PCDH17: variants seen among roughly 807,000 people sequenced by gnomAD.
PCDH17 encodes protocadherin-17.
Under a neutral mutation model 67.7 loss-of-function variants are expected in PCDH17, and 21 were observed. The observed-to-expected ratio is 0.31, with a 90% CI of 0.22 to 0.45. The LOEUF (loss-of-function observed/expected upper bound fraction) is 0.45. Ranked by LOEUF, PCDH17 falls within the 20% of genes least tolerant of loss-of-function variation. The probability of loss-of-function intolerance (pLI) is 1.00; values close to 1 mark genes in which losing one functional copy is unlikely to be tolerated. For missense variants in PCDH17, 1,471 were observed against 1,564.8 expected, an observed-to-expected ratio of 0.94 and a Z score of 1.01; for synonymous variants, 701 against 656.7, an observed-to-expected ratio of 1.07 and a Z score of -1.03.
intron 3 of PCDH17, among the ~76,000 whole-genome samples, chr13:57,680,940 A>T (rs1460484602): frequency 6.6e-6 from 1 of 151,798 alleles, no homozygotes; most frequent in Non-Finnish European, 1.5e-5. Context: ...ACAACAAACC[A>T]TATGAAGTTA....
intron 1 of PCDH17, among the ~76,000 whole-genome samples, chr13:57,661,015 A>G (rs1239600070): frequency 6.6e-6 from 1 of 152,136 alleles, no homozygotes; most frequent in Non-Finnish European, 1.5e-5. Flanking sequence ...TTTTTAGGGT[A>G]TATCCCTAGA....
Position 57,632,227 on chromosome 13 carries a change from C to T in PCDH17, c.-320C>T. On this transcript the variant is annotated 5_prime_UTR_variant, in exon 1 of 4. Coordinates refer to ENST00000377918, the MANE Select transcript of PCDH17 (RefSeq NM_001040429.3). ...GCCTCATCGCTCAAGTTTGAGCCTC[C>T]CGAAGTCCGGGCGGGAGAGACGAAA... 2.4e-6 allele frequency: 1 copy of T among 410,394 alleles called. No homozygotes were observed. Among genetic ancestry groups the T allele is most frequent in the Non-Finnish European group, 4.4e-6 (1 of 227,578 alleles). The allele number at this position is 410,394 out of a possible 1,614,324, so 25.4% of individuals were successfully genotyped here.
chr13:57,707,778 G>T (rs1955734640), intron 3 of PCDH17, among the ~76,000 whole-genome samples: 1 of 152,000 alleles, frequency 6.6e-6, no homozygotes, highest in Admixed American at 6.6e-5. Context: ...GTAATTGCCA[G>T]CAATCTTAGA....
Position 57,724,856 on chromosome 13 carries a change from C to T in PCDH17, c.3042C>T (p.Asn1014=), listed in dbSNP as rs747179266. 7 of 1,614,052 alleles carry T rather than the reference C, an allele frequency of 4.3e-6. No homozygotes were observed. Among genetic ancestry groups the T allele is most frequent in the Non-Finnish European group, 5.9e-6 (7 of 1,180,018 alleles). The change falls in exon 4 of 4, where the codon AAC becomes AAT. Residue 1014 remains asparagine (N), a synonymous_variant. Transcript: ENST00000377918. ...GAGAGCACACTATTCTCATTGCCAA[C>T]GTTAAACCTTATTTAAAAGCCAAAC... ...DKREHTILIA[N]VKPYLKAKRA...
intron 1 of PCDH17, among the ~76,000 whole-genome samples, chr13:57,644,639 G>T (rs1444993627): frequency 6.6e-6 from 1 of 151,558 alleles, no homozygotes; most frequent in Non-Finnish European, 1.5e-5. Context: ...TTCTTGCCAG[G>T]ATTTTTCTGT....
In PCDH17 at chr13:57,634,223, G is replaced by T. The variant is rs1419285308; in HGVS notation, c.1677G>T (p.Ala559=). 2 of 1,613,128 alleles carry T rather than the reference G, an allele frequency of 1.2e-6. No individual in the cohort carries two copies. The highest frequency in any genetic ancestry group is 1.7e-6 in the Non-Finnish European group (2 of 1,180,030). ...AGGTGCTTGCTAAGGACTCGGGGGC[G>T]CCCGCGCACTTGGAGAGCAACGCCA... ...EFKVLAKDSG[A]PAHLESNATV... The change falls in exon 1 of 4, where the codon GCG becomes GCT. Residue 559 remains alanine (A), a synonymous_variant. Transcript: ENST00000377918. The surrounding 1 kb of genome is among the most constrained non-coding windows in gnomAD (Gnocchi z 7.8).
intron 3 of PCDH17, among the ~76,000 whole-genome samples, chr13:57,718,398 A>T (rs1446560248): frequency 6.6e-6 from 1 of 151,980 alleles, no homozygotes; most frequent in Non-Finnish European, 1.5e-5. Flanking sequence ...TTGAAAGCAA[A>T]ATTTTTACTC....
chr13:57,698,240 T>C (rs182353341), intron 3 of PCDH17, among the ~76,000 whole-genome samples: 45 of 151,602 alleles, frequency 3.0e-4, no homozygotes, highest in African/African-American at 1.1e-3. Flanking sequence ...TATATACATA[T>C]AGATATACAC....
intron 1 of PCDH17, among the ~76,000 whole-genome samples, chr13:57,663,490 T>C (rs992799663): frequency 1.3e-5 from 2 of 152,192 alleles, no homozygotes; most frequent in Non-Finnish European, 2.9e-5. Flanking sequence ...ATGGCTTTTT[T>C]CTCTATTTTT....
chr13:57,642,163 T>A (rs933496582), intron 1 of PCDH17, among the ~76,000 whole-genome samples: 2 of 151,746 alleles, frequency 1.3e-5, no homozygotes, highest in Non-Finnish European at 3.0e-5. Flanking sequence ...TTCTGAAATA[T>A]ATGCTGTCTG....
intron 1 of PCDH17, among the ~76,000 whole-genome samples, chr13:57,653,653 A>G (rs972076637): frequency 6.6e-6 from 1 of 152,134 alleles, no homozygotes; most frequent in African/African-American, 2.4e-5. Flanking sequence ...AGATCATCCT[A>G]TAAAATAGGT....
chr13:57,638,142 A>G (rs1225235863), intron 1 of PCDH17, among the ~76,000 whole-genome samples: 1 of 152,142 alleles, frequency 6.6e-6, no homozygotes, highest in Non-Finnish European at 1.5e-5. Context: ...TTTGAAGAAT[A>G]GGAGCACAGG....
chr13:57,718,616 CA>C (rs1038060439), intron 3 of PCDH17, among the ~76,000 whole-genome samples: 1 of 151,390 alleles, frequency 6.6e-6, no homozygotes, highest in Non-Finnish European at 1.5e-5. Flanking sequence ...TCAACATAGC[CA>C]AAAAAAGAAA....
At chr13:57,701,268 G>A (rs533829731) in intron 3 of PCDH17, among the ~76,000 whole-genome samples, 21 of 147,616 alleles carry the variant, frequency 1.4e-4, no homozygotes, top group Middle Eastern at 3.4e-3. Context: ...TATCTCCCCC[G>A]TTTGTTTGTT....
At chr13:57,643,401 A>G (rs1377735445) in intron 1 of PCDH17, among the ~76,000 whole-genome samples, 2 of 151,678 alleles carry the variant, frequency 1.3e-5, no homozygotes, top group Non-Finnish European at 3.0e-5. Context: ...TTAATGATAC[A>G]TTTTATATAA....
In PCDH17 at chr13:57,670,697, ACTTT is replaced by A. The variant is rs1407908029; in HGVS notation, c.2797+3869_2797+3872del. 3.3e-5 allele frequency among the ~76,000 whole-genome samples: 5 copies of A among 151,688 alleles called. No homozygotes were observed. In the East Asian group the frequency reaches 7.7e-4, roughly 23 times the overall value. On this transcript the variant is annotated intron_variant, in intron 3 of 3. Coordinates refer to ENST00000377918, the MANE Select transcript of PCDH17 (RefSeq NM_001040429.3). ...CAAAAATAATCTTCACATTTTCAAT[ACTTT>A]CTTTGTTAATAATGGTTTTCCTTTG... is the stretch of plus-strand genomic sequence containing the variant.
At chr13:57,642,534 A>G (rs939548365) in intron 1 of PCDH17, among the ~76,000 whole-genome samples, 1 of 151,632 alleles carries the variant, frequency 6.6e-6, no homozygotes, top group Non-Finnish European at 1.5e-5. Flanking sequence ...TGCAACAACT[A>G]TGGTATTTTA....
At chr13:57,687,250 A>C in intron 3 of PCDH17, among the ~76,000 whole-genome samples, 1 of 152,066 alleles carries the variant, frequency 6.6e-6, no homozygotes, top group East Asian at 1.9e-4. Flanking sequence ...TGAAACATTT[A>C]AAGAAGGGTA....
chr13:57,697,775 T>C (rs1343549153), intron 3 of PCDH17, among the ~76,000 whole-genome samples: 3 of 138,978 alleles, frequency 2.2e-5, no homozygotes, highest in Non-Finnish European at 1.5e-5. Flanking sequence ...ACAAAAGTGA[T>C]TTTTTTTTTT....
Sources: gnomAD v4.1 joint callset for allele counts (sites outside exome capture counted in the v4.1 genomes callset) on GRCh38, gnomAD v4.1.1 for gene constraint, Gnocchi (gnomAD v3.1) non-coding constraint, MANE v1.5 for transcripts, NCBI Gene and HGNC (gene_info 2026-07-23, HGNC 2026-07-21) for gene names.